The following NRG2 variants were observed in gnomAD, a reference collection of about 807,000 sequenced individuals.
The protein encoded by NRG2 is pro-neuregulin-2, membrane-bound isoform.
Under a neutral mutation model 73.9 loss-of-function variants are expected in NRG2, and 27 were observed. The observed-to-expected ratio is 0.37, with a 90% confidence interval of 0.27 to 0.50. The LOEUF (loss-of-function observed/expected upper bound fraction) is 0.50. Ranked by LOEUF, NRG2 falls within the 20% of genes least tolerant of loss-of-function variation. The pLI is 0.96. For missense variants in NRG2, 1,126 were observed against 1,210.1 expected, an observed-to-expected ratio of 0.93 and a Z score of 1.03; for synonymous variants, 532 against 541.0, an observed-to-expected ratio of 0.98 and a Z score of 0.23.
chr5:139,905,467 C>G (rs1386187703), intron 1 of NRG2, among the ~76,000 whole-genome samples: 1 of 152,212 alleles, frequency 6.6e-6, no homozygotes, highest in Non-Finnish European at 1.5e-5. Context: ...GGTCCGAAGG[C>G]CTCTCTGGAC....
chr5:140,000,545 G>A (rs1448281241), intron 1 of NRG2, among the ~76,000 whole-genome samples: 4 of 152,258 alleles, frequency 2.6e-5, no homozygotes, highest in Non-Finnish European at 5.9e-5. Context: ...TGGAAACACC[G>A]AAGGCGGGCA....
intron 1 of NRG2, among the ~76,000 whole-genome samples, chr5:139,967,713 C>T (rs1755640431): frequency 6.6e-6 from 1 of 152,128 alleles, no homozygotes; most frequent in African/African-American, 2.4e-5. Flanking sequence ...ATGGCTCTTG[C>T]CTGTAATCCT....
chr5:139,888,712 G>A (rs914728409), intron 1 of NRG2, among the ~76,000 whole-genome samples: 4 of 152,184 alleles, frequency 2.6e-5, no homozygotes, highest in Non-Finnish European at 5.9e-5. Context: ...ACAGGGCACA[G>A]AGGAAGCACA....
At chr5:139,980,976 A>G (rs1756755966) in intron 1 of NRG2, among the ~76,000 whole-genome samples, 1 of 152,196 alleles carries the variant, frequency 6.6e-6, no homozygotes, top group Non-Finnish European at 1.5e-5. Flanking sequence ...AGGCAGAAGG[A>G]TGGAGACACT....
intron 1 of NRG2, among the ~76,000 whole-genome samples, chr5:140,002,558 T>G (rs1270716179): frequency 6.6e-6 from 1 of 151,754 alleles, no homozygotes; most frequent in Non-Finnish European, 1.5e-5. Flanking sequence ...GTTCAGAAAA[T>G]AACAGTAAGG....
chr5:139,871,358 A>AG (rs891510220), intron 4 of NRG2, among the ~76,000 whole-genome samples: 4 of 152,002 alleles, frequency 2.6e-5, no homozygotes, highest in Non-Finnish European at 4.4e-5. Context: ...GGAGGAAAAG[A>AG]GGGGGGGAAA....
At chr5:139,898,271 C>T (rs535590106) in intron 1 of NRG2, among the ~76,000 whole-genome samples, 15 of 152,324 alleles carry the variant, frequency 9.8e-5, no homozygotes, top group East Asian at 1.9e-4. Context: ...GAAGGAACCA[C>T]GAGGTACTCA....
intron 5 of NRG2, chr5:139,861,858 G>A (rs1581792760): frequency 4.4e-6 from 2 of 459,590 alleles, no homozygotes; most frequent in East Asian, 6.8e-5. Flanking sequence ...ATCCAGCCAT[G>A]CTGCCCTGAG....
At chr5:140,013,166 C>T (rs1332414403) in intron 1 of NRG2, among the ~76,000 whole-genome samples, 2 of 152,126 alleles carry the variant, frequency 1.3e-5, no homozygotes, top group Non-Finnish European at 2.9e-5. Context: ...CCCACCACAA[C>T]ATATATGCAT....
chr5:140,001,213 C>T (rs1395074719), intron 1 of NRG2, among the ~76,000 whole-genome samples: 1 of 152,168 alleles, frequency 6.6e-6, no homozygotes, highest in African/African-American at 2.4e-5. Context: ...TTTGTGTCCT[C>T]ATAACTAGCC....
chr5:139,942,421 A>G (rs1753469754), intron 1 of NRG2, among the ~76,000 whole-genome samples: 1 of 152,204 alleles, frequency 6.6e-6, no homozygotes. Context: ...TTTTGTGATC[A>G]TTAGTTATAA....
intron 1 of NRG2, among the ~76,000 whole-genome samples, chr5:139,934,573 A>G (rs191230329): frequency 6.6e-6 from 1 of 152,362 alleles, no homozygotes; most frequent in Admixed American, 6.5e-5. Context: ...CAAAGAACAG[A>G]TGAGACAAAT....
chr5:139,848,607 C>G lies in NRG2; in HGVS notation c.1863G>C (p.Thr621=). 2 of 1,576,346 alleles carry G rather than the reference C, an allele frequency of 1.3e-6. No homozygotes were observed. Among genetic ancestry groups the G allele is most frequent in the Non-Finnish European group, 1.7e-6 (2 of 1,171,032 alleles). The change falls in exon 10 of 10, where the codon ACG becomes ACC. Residue 621 remains threonine, a synonymous_variant. Coordinates refer to ENST00000361474, the MANE Select transcript of NRG2 (RefSeq NM_004883.3). ...LATQVPTFEI[T]SPNSAHAVSL... ...ACACGGCGTGCGCCGAGTTGGGGGA[C>G]GTGATCTCGAAAGTTGGCACCTGCG...
intron 1 of NRG2, among the ~76,000 whole-genome samples, chr5:140,023,889 G>A (rs113122642): frequency 6.6e-6 from 1 of 152,264 alleles, no homozygotes; most frequent in African/African-American, 2.4e-5. Context: ...AGCAAAATTG[G>A]TTTCTCGGGA....
chr5:139,882,163 A>C (rs564045956), intron 2 of NRG2, among the ~76,000 whole-genome samples: 5 of 152,252 alleles, frequency 3.3e-5, no homozygotes, highest in Admixed American at 3.3e-4. Flanking sequence ...AGGGCAGTAG[A>C]GCCATCATTG....
intron 1 of NRG2, among the ~76,000 whole-genome samples, chr5:139,944,750 T>C (rs1197846067): frequency 6.6e-6 from 1 of 152,202 alleles, no homozygotes; most frequent in Non-Finnish European, 1.5e-5. Flanking sequence ...CATGTAATAA[T>C]TTCCCTTTGG....
intron 1 of NRG2, among the ~76,000 whole-genome samples, chr5:139,901,888 G>A (rs532229750): frequency 3.3e-4 from 50 of 152,346 alleles, no homozygotes; most frequent in African/African-American, 1.2e-3. Context: ...CAGGGATTCT[G>A]ATTTTCTTTA....
At chr5:139,992,836 C>T (rs1757736449) in intron 1 of NRG2, among the ~76,000 whole-genome samples, 1 of 152,154 alleles carries the variant, frequency 6.6e-6, no homozygotes. Flanking sequence ...AGTAACTGCT[C>T]TGTTGACTTT....
At chr5:139,901,341 A>G (rs1764877859) in intron 1 of NRG2, among the ~76,000 whole-genome samples, 1 of 152,218 alleles carries the variant, frequency 6.6e-6, no homozygotes, top group Admixed American at 6.5e-5. Context: ...CCAGGGAGCC[A>G]GAGCAGAGCA....
Sources: allele counts gnomAD v4.1 joint callset (sites outside exome capture counted in the v4.1 genomes callset), GRCh38; gene constraint gnomAD v4.1.1; transcripts MANE v1.5; gene names NCBI Gene and HGNC (gene_info 2026-07-23, HGNC 2026-07-21).